LGSN: variants seen among roughly 807,000 people sequenced by gnomAD.
The protein encoded by LGSN is lengsin.
Under a neutral mutation model 19.5 loss-of-function variants are expected in LGSN, and 21 were observed. The ratio of observed to expected loss-of-function variants is 1.07; its 90% CI spans 0.76 to 1.55. The LOEUF (loss-of-function observed/expected upper bound fraction) is 1.55, where lower values mean the gene tolerates loss of function less well. Ranked by LOEUF, LGSN falls within the 40% of genes most tolerant of loss-of-function variation. The probability of loss-of-function intolerance (pLI) is 0.00; values close to 1 mark genes in which losing one functional copy is unlikely to be tolerated. For missense variants in LGSN, 673 were observed against 608.5 expected, an observed-to-expected ratio of 1.11 and a Z score of -1.12; for synonymous variants, 257 against 215.6, an observed-to-expected ratio of 1.19 and a Z score of -1.68.
At chr6:63,550,852 C>CT in the LGSN span, among the ~76,000 whole-genome samples, 1 of 152,158 alleles carries the variant, frequency 6.6e-6, no homozygotes, top group Admixed American at 6.6e-5. Context: ...TCTCAAACTA[C>CT]TGACCTCAGG....
At chr6:63,305,027 T>A (rs2127392545) in intron 1 of LGSN, among the ~76,000 whole-genome samples, 1 of 152,318 alleles carries the variant, frequency 6.6e-6, no homozygotes, top group African/African-American at 2.4e-5. Flanking sequence ...TGTTCTGGAC[T>A]GAACTCTTGC....
At chr6:63,570,399 A>G in the LGSN span, among the ~76,000 whole-genome samples, 1 of 152,216 alleles carries the variant, frequency 6.6e-6, no homozygotes, top group Non-Finnish European at 1.5e-5. Flanking sequence ...CATCCTTTAA[A>G]TATGTTACTT....
the LGSN span, among the ~76,000 whole-genome samples, chr6:63,330,679 A>G: frequency 2.9e-3 from 449 of 152,316 alleles, 3 homozygotes; most frequent in African/African-American, 0.01. Context: ...AGATGTTTAC[A>G]ACTCCAGTCC....
chr6:63,480,201 G>T, the LGSN span: 2 of 221,434 alleles, frequency 9.0e-6, no homozygotes, highest in East Asian at 1.1e-4. Flanking sequence ...GCTGACCAGA[G>T]CTGCAACAAG....
chr6:63,373,793 C>T, the LGSN span, among the ~76,000 whole-genome samples: 5 of 151,838 alleles, frequency 3.3e-5, no homozygotes, highest in South Asian at 2.1e-4. Flanking sequence ...GCCAATGTGG[C>T]GAAACCCAGT....
chr6:63,492,718 G>T, the LGSN span, among the ~76,000 whole-genome samples: 1 of 152,294 alleles, frequency 6.6e-6, no homozygotes, highest in South Asian at 2.1e-4. Context: ...TGTACTCGAG[G>T]AAGACAATAT....
chr6:63,450,680 T>C, the LGSN span, among the ~76,000 whole-genome samples: 1 of 140,262 alleles, frequency 7.1e-6, no homozygotes, highest in Non-Finnish European at 1.5e-5. Flanking sequence ...ATTATAATGG[T>C]TTTTTTTTTT....
At chr6:63,375,083 G>T in the LGSN span, among the ~76,000 whole-genome samples, 2 of 152,202 alleles carry the variant, frequency 1.3e-5, no homozygotes, top group Middle Eastern at 6.8e-3. Context: ...TGTCATTGTT[G>T]ATTTTCCGGG....
chr6:63,283,855 A>T (rs1279993179), intron 3 of LGSN, among the ~76,000 whole-genome samples: 1 of 151,966 alleles, frequency 6.6e-6, no homozygotes, highest in Non-Finnish European at 1.5e-5. Flanking sequence ...CCCTGCCACC[A>T]GGCCCAGCTA....
At chr6:63,355,412 A>G in the LGSN span, among the ~76,000 whole-genome samples, 2 of 152,202 alleles carry the variant, frequency 1.3e-5, no homozygotes, top group East Asian at 3.8e-4. Flanking sequence ...CAGAAATTGA[A>G]CAACAAAAAG....
the LGSN span, among the ~76,000 whole-genome samples, chr6:63,341,235 A>AGCAGTG: frequency 6.6e-6 from 1 of 152,170 alleles, no homozygotes; most frequent in East Asian, 1.9e-4. Context: ...CATGGATGCC[A>AGCAGTG]GCAGTGGCAG....
At chr6:63,525,973 G>A in the LGSN span, among the ~76,000 whole-genome samples, 15 of 151,970 alleles carry the variant, frequency 9.9e-5, no homozygotes, top group Admixed American at 1.3e-4. Flanking sequence ...ACCTTCTTTC[G>A]GTACCAGTAT....
the LGSN span, among the ~76,000 whole-genome samples, chr6:63,552,422 T>C: frequency 6.6e-6 from 1 of 152,224 alleles, no homozygotes; most frequent in Non-Finnish European, 1.5e-5. Context: ...TCTTTGTAGA[T>C]TCTAGATATT....
chr6:63,567,201 T>A, the LGSN span, among the ~76,000 whole-genome samples: 3 of 152,244 alleles, frequency 2.0e-5, no homozygotes, highest in Non-Finnish European at 2.9e-5. Flanking sequence ...CTCATGAATG[T>A]TCTTAATGGC....
Position 63,311,312 on chromosome 6 carries a change from T to A in LGSN, c.30+8602A>T, listed in dbSNP as rs543153007. 3.5e-4 allele frequency among the ~76,000 whole-genome samples: 53 copies of A among 152,324 alleles called. No individual in the cohort carries two copies. The South Asian group carries it at 7.7e-3, about 22-fold the overall frequency. On this transcript the variant is annotated intron_variant, in intron 1 of 3. Transcript: ENST00000370657. ...CTTTAAGTTTTCAGTCAGAATTGTG[T>A]AAACTTAACTAACTGAGATGTCTAT...
chr6:63,296,941 AT>A (rs1484883616), intron 1 of LGSN, among the ~76,000 whole-genome samples: 1 of 152,128 alleles, frequency 6.6e-6, no homozygotes, highest in Admixed American at 6.6e-5. Flanking sequence ...AAGAAAGGTC[AT>A]TTTAAAAACA....
chr6:63,409,231 T>C, the LGSN span, among the ~76,000 whole-genome samples: 11 of 152,188 alleles, frequency 7.2e-5, no homozygotes, highest in South Asian at 2.1e-3. Context: ...TTTTGTAATG[T>C]CATAAATACA....
chr6:63,340,615 C>CTT, the LGSN span, among the ~76,000 whole-genome samples: 355 of 132,644 alleles, frequency 2.7e-3, 3 homozygotes, highest in African/African-American at 9.3e-3. Context: ...TTCTGTTTGG[C>CTT]TTTTTTTTTT....
the LGSN span, among the ~76,000 whole-genome samples, chr6:63,506,917 A>T: frequency 1.3e-5 from 2 of 152,152 alleles, no homozygotes; most frequent in Non-Finnish European, 2.9e-5. Context: ...AGTTCACGTG[A>T]CACTATCTTA....
Sources: allele counts gnomAD v4.1 joint callset (sites outside exome capture counted in the v4.1 genomes callset), GRCh38; gene constraint gnomAD v4.1.1; transcripts MANE v1.5; gene names NCBI Gene and HGNC (gene_info 2026-07-23, HGNC 2026-07-21).